The following LRP1B variants were observed in gnomAD, a reference collection of about 807,000 sequenced individuals.
LRP1B encodes the protein low-density lipoprotein receptor-related protein 1B.
In LRP1B, 217 loss-of-function variants were observed where a neutral mutation model predicts 556.6. The observed-to-expected ratio is 0.39, with a 90% CI of 0.35 to 0.44. The LOEUF (loss-of-function observed/expected upper bound fraction) is 0.44, where lower values mean the gene tolerates loss of function less well. Ranked by LOEUF, LRP1B falls within the 20% of genes least tolerant of loss-of-function variation. The pLI is 1.00. For synonymous variants in LRP1B, 2,047 were observed against 1,865.8 expected (o/e 1.10, Z -2.50); for missense variants, 5,053 against 5,620.8 (o/e 0.90, Z 3.23).
At chr2:141,726,404 T>C (rs1693037553) in intron 2 of LRP1B, among the ~76,000 whole-genome samples, 1 of 151,922 alleles carries the variant, frequency 6.6e-6, no homozygotes. Flanking sequence ...ATTTTATTCT[T>C]TCTAAAATCG....
intron 18 of LRP1B, among the ~76,000 whole-genome samples, chr2:140,960,864 CA>C (rs1198169328): frequency 6.6e-6 from 1 of 151,852 alleles, no homozygotes; most frequent in Non-Finnish European, 1.5e-5. Context: ...AATTGAAAAT[CA>C]TTGTAAATTA....
At chr2:140,291,909 A>G (rs937589804) in intron 84 of LRP1B, among the ~76,000 whole-genome samples, 8 of 152,178 alleles carry the variant, frequency 5.3e-5, no homozygotes, top group African/African-American at 1.9e-4. Flanking sequence ...TGGTTGAACT[A>G]GTTTACAGTC....
At chr2:141,569,282 G>C (rs937238498) in intron 2 of LRP1B, among the ~76,000 whole-genome samples, 1 of 150,874 alleles carries the variant, frequency 6.6e-6, no homozygotes, top group Non-Finnish European at 1.5e-5. Flanking sequence ...TAAGAGATGG[G>C]GGTTAGGAAA....
At chr2:141,344,796 A>G (rs1016690409) in intron 3 of LRP1B, among the ~76,000 whole-genome samples, 38 of 152,174 alleles carry the variant, frequency 2.5e-4, no homozygotes, top group African/African-American at 7.7e-4. Flanking sequence ...ATGATTATTA[A>G]TCATTTGTGA....
intron 1 of LRP1B, among the ~76,000 whole-genome samples, chr2:141,935,866 T>A (rs973731419): frequency 5.3e-5 from 8 of 152,190 alleles, no homozygotes; most frequent in African/African-American, 1.7e-4. Context: ...AGTGGGAGGA[T>A]CACTTGAGCC....
chr2:141,518,874 T>A (rs111928991), intron 2 of LRP1B, among the ~76,000 whole-genome samples: 4,748 of 152,122 alleles, frequency 0.031, 271 homozygotes, highest in African/African-American at 0.11. Flanking sequence ...TGCTTGAACC[T>A]GGGAGGCGGA....
At chr2:142,066,083 T>C (rs1459933751) in intron 1 of LRP1B, among the ~76,000 whole-genome samples, 3 of 151,504 alleles carry the variant, frequency 2.0e-5, no homozygotes, top group Non-Finnish European at 4.4e-5. Context: ...TCCTATGCAA[T>C]TTCTAAATCT....
chr2:141,786,552 AT>A lies in LRP1B; in HGVS notation c.205+23726del, dbSNP rs561246912. Among the ~76,000 whole-genome samples, 164 of 151,960 alleles carry A rather than the reference AT, an allele frequency of 1.1e-3. 3 individuals carry two copies. The highest frequency in any genetic ancestry group is 3.7e-3 in the African/African-American group (153 of 41,506). ...TTTTTTCTGTGTAATATATTTGATG[AT>A]TTTTCTACCTATAATATCAAGCTAC... On this transcript the variant is annotated intron_variant, in intron 2 of 90. Transcript: ENST00000389484.
At chr2:142,052,398 T>C (rs1399104429) in intron 1 of LRP1B, among the ~76,000 whole-genome samples, 1 of 152,102 alleles carries the variant, frequency 6.6e-6, no homozygotes, top group Non-Finnish European at 1.5e-5. Context: ...ACCTATATGG[T>C]ACCTGCTTTC....
intron 71 of LRP1B, among the ~76,000 whole-genome samples, chr2:140,367,309 G>A (rs948378828): frequency 8.6e-5 from 13 of 151,712 alleles, no homozygotes; most frequent in Admixed American, 3.3e-4. Context: ...CTTAGACCAA[G>A]AATTTGTAGT....
chr2:141,796,794 T>C (rs1228444160), intron 2 of LRP1B, among the ~76,000 whole-genome samples: 2 of 151,936 alleles, frequency 1.3e-5, no homozygotes, highest in African/African-American at 4.8e-5. Flanking sequence ...GAGTAGGGCC[T>C]TACATAACAA....
intron 1 of LRP1B, among the ~76,000 whole-genome samples, chr2:142,067,137 T>C (rs1445638453): frequency 2.6e-5 from 4 of 151,504 alleles, no homozygotes; most frequent in African/African-American, 7.3e-5. Context: ...TTCTTCTACC[T>C]TTCACTTACA....
intron 2 of LRP1B, among the ~76,000 whole-genome samples, chr2:141,636,822 T>C (rs1689121994): frequency 6.6e-6 from 1 of 152,052 alleles, no homozygotes; most frequent in African/African-American, 2.4e-5. Context: ...TATGGCTAAA[T>C]GAATAAAGTA....
At chr2:140,607,562 C>T (rs1682912678) in intron 41 of LRP1B, among the ~76,000 whole-genome samples, 1 of 151,826 alleles carries the variant, frequency 6.6e-6, no homozygotes, top group South Asian at 2.1e-4. Flanking sequence ...TTTAGTACAT[C>T]CACGCTTGGA....
At chr2:141,629,638 T>C (rs355592) in intron 2 of LRP1B, among the ~76,000 whole-genome samples, 5,305 of 152,212 alleles carry the variant, frequency 0.035, 322 homozygotes, top group African/African-American at 0.12. Context: ...TTTCCAAATA[T>C]ACTGCCTTCA....
intron 2 of LRP1B, among the ~76,000 whole-genome samples, chr2:141,682,345 CAA>C (rs200535104): frequency 3.1e-4 from 41 of 132,850 alleles, no homozygotes; most frequent in Admixed American, 1.2e-3. Flanking sequence ...AAGTAGATGG[CAA>C]AAAAAAAAAA....
intron 84 of LRP1B, among the ~76,000 whole-genome samples, chr2:140,289,144 G>A (rs558742277): frequency 7.0e-4 from 106 of 152,002 alleles, no homozygotes; most frequent in African/African-American, 2.2e-3. Context: ...GGCAAGTTCC[G>A]TGGTGTACAG....
intron 41 of LRP1B, among the ~76,000 whole-genome samples, chr2:140,616,846 C>T (rs980177384): frequency 2.0e-5 from 3 of 151,718 alleles, no homozygotes; most frequent in African/African-American, 7.3e-5. Flanking sequence ...TCAGTTCATG[C>T]CCTAGCTGAT....
Position 140,761,544 on chromosome 2 carries a change from C to T in LRP1B, c.5758+7669G>A, listed in dbSNP as rs149371149. ...CATTTTGTGAATGCCTTCTCCCACT[C>T]TCTTATTCACTAGCTCTAAGAGAAG... is the stretch of plus-strand genomic sequence containing the variant. On this transcript the variant is annotated intron_variant, in intron 35 of 90. Transcript: ENST00000389484. Among the ~76,000 whole-genome samples, 261 of 152,318 alleles carry T rather than the reference C, an allele frequency of 1.7e-3. 2 individuals carry two copies. Among genetic ancestry groups the T allele is most frequent in the African/African-American group, 6.0e-3 (248 of 41,572 alleles).
Sources: gnomAD v4.1 joint callset for allele counts (sites outside exome capture counted in the v4.1 genomes callset) on GRCh38, gnomAD v4.1.1 for gene constraint, MANE v1.5 for transcripts, NCBI Gene and HGNC (gene_info 2026-07-23, HGNC 2026-07-21) for gene names.